The following UNC13C variants were observed in gnomAD, a reference collection of about 807,000 sequenced individuals.
UNC13C encodes unc-13 homolog C.
A neutral mutation model predicts 245.4 loss-of-function variants in UNC13C; 174 were observed. The ratio of observed to expected loss-of-function variants is 0.71; its 90% confidence interval spans 0.63 to 0.80. UNC13C has a LOEUF of 0.80. Among genes scored for constraint, UNC13C ranks in the 30% least tolerant of loss-of-function variants. UNC13C has a pLI of 0.00. For missense variants in UNC13C, 2,829 were observed against 2,602.9 expected (o/e 1.09, Z -1.89); for synonymous variants, 992 against 895.1 (o/e 1.11, Z -1.93).
At chr15:53,943,021 GAA>G in the UNC13C span, among the ~76,000 whole-genome samples, 2 of 152,128 alleles carry the variant, frequency 1.3e-5, no homozygotes, top group South Asian at 4.1e-4. Flanking sequence ...ACTAAGAACA[GAA>G]ACATGTTAGT....
rs1596584539 is a variant in UNC13C, at chr15:54,567,742, A to C, written c.5959-58A>C. 4.2e-6 allele frequency: 6 copies of C among 1,443,506 alleles called. No individual in the cohort carries two copies. The East Asian group carries it at 7.2e-5, about 17-fold the overall frequency. 89.4% of individuals were successfully genotyped at this position (1,443,506 alleles called of 1,614,324 possible). On this transcript the variant is annotated intron_variant, in intron 29 of 32. Coordinates refer to ENST00000260323, the MANE Select transcript of UNC13C (RefSeq NM_001080534.3). ...TTTGAGCTTCTCTATTAGAGTAATAAATTCTGTCTTCCAATACTTCTCTCT... is the reference window on the plus strand; with the variant it reads ...TTTGAGCTTCTCTATTAGAGTAATACATTCTGTCTTCCAATACTTCTCTCT...
At chr15:53,990,945 C>T (rs2140959698) in intron 1 of UNC13C, among the ~76,000 whole-genome samples, 1 of 152,108 alleles carries the variant, frequency 6.6e-6, no homozygotes, top group Middle Eastern at 3.4e-3. Flanking sequence ...TATATAATGA[C>T]AGAGAACGAA....
intron 19 of UNC13C, among the ~76,000 whole-genome samples, chr15:54,425,578 A>T (rs1265991930): frequency 6.6e-6 from 1 of 151,854 alleles, no homozygotes; most frequent in East Asian, 1.9e-4. Context: ...TAGTGCTACT[A>T]TTCAAAGAAA....
the UNC13C span, among the ~76,000 whole-genome samples, chr15:53,943,653 T>C: frequency 6.6e-6 from 1 of 152,274 alleles, no homozygotes; most frequent in East Asian, 1.9e-4. Context: ...AGGGTTTTTT[T>C]CCCTAAAAAA....
chr15:54,466,540 A>C (rs939509933), intron 19 of UNC13C, among the ~76,000 whole-genome samples: 1 of 151,954 alleles, frequency 6.6e-6, no homozygotes, highest in Non-Finnish European at 1.5e-5. Context: ...TTGGAGATGA[A>C]CTTCAGGCTG....
chr15:54,627,233 C>CTACAAGGTATG lies in UNC13C; in HGVS notation c.*123_*133dup. The CTACAAGGTATG allele has an allele frequency of 1.9e-6, 2 of 1,061,766 alleles. No homozygotes were observed. 65.8% of individuals were successfully genotyped at this position (1,061,766 alleles called of 1,614,324 possible). ...GTTTGCCAGTACTCATGTACGATGT[C>CTACAAGGTATG]TACAAGGTATGTAAAAAACCTGCTG... On this transcript the variant is annotated 3_prime_UTR_variant, in exon 33 of 33. Coordinates refer to ENST00000260323, the MANE Select transcript of UNC13C (RefSeq NM_001080534.3).
intron 4 of UNC13C, among the ~76,000 whole-genome samples, chr15:54,187,213 A>T (rs957917394): frequency 1.3e-5 from 2 of 151,998 alleles, no homozygotes; most frequent in Non-Finnish European, 2.9e-5. Context: ...ATATCTCCTG[A>T]ATCTCTCCTC....
intron 19 of UNC13C, among the ~76,000 whole-genome samples, chr15:54,453,650 G>A (rs1005449325): frequency 6.6e-6 from 1 of 152,190 alleles, no homozygotes; most frequent in Non-Finnish European, 1.5e-5. Flanking sequence ...CTGAGTCAAA[G>A]ATGATTAACA....
At chr15:54,453,007 T>A (rs1055672118) in intron 19 of UNC13C, among the ~76,000 whole-genome samples, 3 of 152,154 alleles carry the variant, frequency 2.0e-5, no homozygotes, top group Admixed American at 1.3e-4. Context: ...CAGGACAGGA[T>A]GCATTCTGGT....
chr15:53,925,081 G>A, the UNC13C span, among the ~76,000 whole-genome samples: 455 of 152,220 alleles, frequency 3.0e-3, 3 homozygotes, highest in African/African-American at 0.01. Flanking sequence ...AGAGAAAACA[G>A]CACTTAGTTT....
chr15:54,308,351 C>G (rs1204877742), intron 13 of UNC13C, among the ~76,000 whole-genome samples: 1 of 151,782 alleles, frequency 6.6e-6, no homozygotes, highest in South Asian at 2.1e-4. Context: ...CAGTAACTAT[C>G]TCATTATTTG....
chr15:54,558,599 A>G (rs1010620114), intron 29 of UNC13C, among the ~76,000 whole-genome samples: 2 of 152,054 alleles, frequency 1.3e-5, no homozygotes, highest in African/African-American at 4.8e-5. Flanking sequence ...TTTTCTAAAT[A>G]TTAAAACTTT....
intron 30 of UNC13C, among the ~76,000 whole-genome samples, chr15:54,585,626 A>G (rs1264436182): frequency 6.6e-6 from 1 of 152,210 alleles, no homozygotes; most frequent in Non-Finnish European, 1.5e-5. Context: ...AGAAATATAA[A>G]TGAAAACATA....
At chr15:54,229,656 G>A (rs996631950) in intron 4 of UNC13C, among the ~76,000 whole-genome samples, 14 of 152,032 alleles carry the variant, frequency 9.2e-5, no homozygotes, top group African/African-American at 2.9e-4. Context: ...CACTCCATTA[G>A]CATTTTTCCA....
intron 17 of UNC13C, among the ~76,000 whole-genome samples, chr15:54,385,028 C>A (rs1038465816): frequency 6.6e-6 from 1 of 151,878 alleles, no homozygotes; most frequent in Admixed American, 6.6e-5. Flanking sequence ...CTGGCAAGGA[C>A]GTGAGGAAAA....
intron 17 of UNC13C, among the ~76,000 whole-genome samples, chr15:54,375,834 A>G (rs56310458): frequency 0.2 from 30,823 of 152,188 alleles, 3,178 homozygotes; most frequent in Middle Eastern, 0.25. Flanking sequence ...CAGAAGACCC[A>G]GCGGAGCTGT....
intron 2 of UNC13C, among the ~76,000 whole-genome samples, chr15:54,034,262 G>A (rs895009872): frequency 1.3e-5 from 2 of 152,196 alleles, no homozygotes; most frequent in Admixed American, 6.5e-5. Context: ...ATTTACTGCT[G>A]TAAGCTACTG....
intron 30 of UNC13C, among the ~76,000 whole-genome samples, chr15:54,619,725 C>A (rs949092624): frequency 1.3e-5 from 2 of 152,048 alleles, no homozygotes; most frequent in Non-Finnish European, 2.9e-5. Flanking sequence ...CTACTGTCAG[C>A]CTATTTAATC....
At chr15:53,872,977 A>G in the UNC13C span, among the ~76,000 whole-genome samples, 1 of 152,152 alleles carries the variant, frequency 6.6e-6, no homozygotes, top group African/African-American at 2.4e-5. Context: ...CAGAGCATCC[A>G]GAGCAATTTT....
Sources: allele counts gnomAD v4.1 joint callset (sites outside exome capture counted in the v4.1 genomes callset), GRCh38; gene constraint gnomAD v4.1.1; transcripts MANE v1.5; gene names NCBI Gene and HGNC (gene_info 2026-07-23, HGNC 2026-07-21).